MYO16: variants seen among roughly 807,000 people sequenced by gnomAD.
The protein encoded by MYO16 is myosin XVI, also known as unconventional myosin-XVI.
A neutral mutation model predicts 205.3 loss-of-function variants in MYO16; 94 were observed. That is an observed-to-expected ratio of 0.46 (90% CI 0.39 to 0.54). The LOEUF (loss-of-function observed/expected upper bound fraction) is 0.54. Among genes scored for constraint, MYO16 ranks in the 20% least tolerant of loss-of-function variants. MYO16 has a pLI of 0.00. For synonymous variants in MYO16, 988 were observed against 954.0 expected (o/e 1.04, Z -0.66); for missense variants, 2,315 against 2,387.5 (o/e 0.97, Z 0.63).
the MYO16 span, among the ~76,000 whole-genome samples, chr13:108,545,209 A>G: frequency 1.3e-5 from 2 of 151,960 alleles, no homozygotes; most frequent in Non-Finnish European, 2.9e-5. Flanking sequence ...CTTTGTGTCC[A>G]TATGTACTGG....
chr13:109,065,761 G>A (rs368739369), intron 27 of MYO16, among the ~76,000 whole-genome samples: 7 of 152,098 alleles, frequency 4.6e-5, no homozygotes, highest in African/African-American at 1.7e-4. Context: ...CGGCTTATGA[G>A]GAACAAACAT....
chr13:109,126,741 T>C (rs1876269501), intron 30 of MYO16, among the ~76,000 whole-genome samples: 1 of 152,140 alleles, frequency 6.6e-6, no homozygotes, highest in South Asian at 2.1e-4. Context: ...TAATTTCTGG[T>C]AGAATTTAAG....
In MYO16 at chr13:109,048,218, A is replaced by G. The variant is rs1333316394; in HGVS notation, c.2872+1227A>G. 3 of 538,046 alleles carry G rather than the reference A, an allele frequency of 5.6e-6. No homozygotes were observed. In the African/African-American group the frequency reaches 5.8e-5, roughly 10 times the overall value. The allele number at this position is 538,046 out of a possible 1,614,324, so 33.3% of individuals were successfully genotyped here. On this transcript the variant is annotated intron_variant, in intron 24 of 34. Coordinates refer to ENST00000457511, the MANE Select transcript of MYO16 (RefSeq NM_001198950.3). ...GTGTGTGTGTATTTAGAATGAAAAT[A>G]TGATGGCTAGTCTGCTTATCTTAAT...
intron 1 of MYO16, among the ~76,000 whole-genome samples, chr13:108,653,649 A>G (rs1204211499): frequency 6.6e-6 from 1 of 151,712 alleles, no homozygotes; most frequent in African/African-American, 2.4e-5. Flanking sequence ...AACTGGTATC[A>G]TTTAGTATGT....
chr13:109,129,178 AAG>A (rs748434238), intron 31 of MYO16, among the ~76,000 whole-genome samples: 2 of 152,072 alleles, frequency 1.3e-5, no homozygotes, highest in African/African-American at 2.4e-5. Flanking sequence ...GGCATTAAGA[AAG>A]AATAGACCTT....
At chr13:108,932,863 C>A (rs1156363611) in intron 16 of MYO16, among the ~76,000 whole-genome samples, 2 of 152,134 alleles carry the variant, frequency 1.3e-5, no homozygotes, top group African/African-American at 4.8e-5. Flanking sequence ...CACTGAGAAT[C>A]AGGTGGCAGT....
intron 23 of MYO16, among the ~76,000 whole-genome samples, chr13:109,032,872 A>G (rs986256366): frequency 3.9e-5 from 6 of 152,180 alleles, no homozygotes; most frequent in African/African-American, 1.4e-4. Flanking sequence ...AGATACTGTA[A>G]TTAGCATTTG....
chr13:108,659,919 T>C (rs986342900), intron 1 of MYO16, among the ~76,000 whole-genome samples: 3 of 152,248 alleles, frequency 2.0e-5, no homozygotes, highest in African/African-American at 4.8e-5. Flanking sequence ...ATTAGTATAA[T>C]GTACGGTTGA....
chr13:108,642,681 G>T (rs1480276219), intron 1 of MYO16, among the ~76,000 whole-genome samples: 1 of 152,190 alleles, frequency 6.6e-6, no homozygotes, highest in Non-Finnish European at 1.5e-5. Context: ...GCCTCCCAAA[G>T]TGCTGGGATT....
chr13:108,721,924 A>G (rs1435937077), intron 3 of MYO16, among the ~76,000 whole-genome samples: 1 of 152,132 alleles, frequency 6.6e-6, no homozygotes, highest in African/African-American at 2.4e-5. Flanking sequence ...TTAGTTGATT[A>G]AAGGGCTTGG....
the MYO16 span, among the ~76,000 whole-genome samples, chr13:108,524,098 A>G: frequency 6.6e-6 from 1 of 151,736 alleles, no homozygotes; most frequent in Non-Finnish European, 1.5e-5. Context: ...TCAGCTGGAA[A>G]CCAGCCTGGG....
rs187707797 is a variant in MYO16 at position 108,714,721 on chromosome 13, C to T, written c.363+1990C>T. 9.0e-4 allele frequency among the ~76,000 whole-genome samples: 137 copies of T among 152,144 alleles called. 2 individuals carry two copies. Among genetic ancestry groups the T allele is most frequent in the Admixed American group, 8.3e-3 (127 of 15,284 alleles). ...GACCACCAAATCAAATACTTGTTGA[C>T]TTTTACTTTATTTTTGTCCCTAACA... On this transcript the variant is annotated intron_variant, in intron 3 of 34. Transcript: ENST00000457511.
intron 23 of MYO16, among the ~76,000 whole-genome samples, chr13:109,037,852 G>A (rs550999183): frequency 1.3e-5 from 2 of 152,176 alleles, no homozygotes; most frequent in Non-Finnish European, 2.9e-5. Flanking sequence ...CAAGGCCAAT[G>A]CACTTTTGAC....
At chr13:108,848,878 C>T (rs1344392323) in intron 10 of MYO16, among the ~76,000 whole-genome samples, 2 of 152,140 alleles carry the variant, frequency 1.3e-5, no homozygotes, top group Admixed American at 6.5e-5. Flanking sequence ...GTATCCAGTG[C>T]TCTTTTGGGG....
chr13:108,770,625 G>A (rs1301506279), intron 4 of MYO16, among the ~76,000 whole-genome samples: 8 of 152,110 alleles, frequency 5.3e-5, no homozygotes, highest in East Asian at 1.9e-4. Flanking sequence ...CTCTTTGGGG[G>A]CATGTACATA....
At chr13:108,579,502 G>A in the MYO16 span, among the ~76,000 whole-genome samples, 56 of 148,956 alleles carry the variant, frequency 3.8e-4, no homozygotes, top group East Asian at 1.4e-3. Context: ...GTGCAGTGGC[G>A]CGATCTCTGC....
At chr13:109,052,902 G>C (rs1435657137) in intron 25 of MYO16, among the ~76,000 whole-genome samples, 1 of 152,048 alleles carries the variant, frequency 6.6e-6, no homozygotes, top group East Asian at 1.9e-4. Context: ...TGTTGTTCAG[G>C]TGCTAGGATG....
chr13:108,645,864 G>T (rs79247002), intron 1 of MYO16, among the ~76,000 whole-genome samples: 9,000 of 152,254 alleles, frequency 0.059, 624 homozygotes, highest in East Asian at 0.18. Context: ...TGGATCCACA[G>T]AGGAAGCGGA....
At chr13:108,885,757 T>C (rs182708518) in intron 13 of MYO16, among the ~76,000 whole-genome samples, 29 of 152,258 alleles carry the variant, frequency 1.9e-4, no homozygotes, top group Non-Finnish European at 3.8e-4. Flanking sequence ...GCAGCTGTTA[T>C]AGGTCAGTTT....
Sources: allele counts gnomAD v4.1 joint callset (sites outside exome capture counted in the v4.1 genomes callset), GRCh38; gene constraint gnomAD v4.1.1; transcripts MANE v1.5; gene names NCBI Gene and HGNC (gene_info 2026-07-23, HGNC 2026-07-21).